The following ERBB4 variants were observed in gnomAD, a reference collection of about 807,000 sequenced individuals.
ERBB4 encodes erb-b2 receptor tyrosine kinase 4, also known as receptor tyrosine-protein kinase erbB-4.
Under a neutral mutation model 158.0 loss-of-function variants are expected in ERBB4, and 42 were observed. That is an observed-to-expected ratio of 0.27 (90% CI 0.21 to 0.34). ERBB4 has a LOEUF of 0.34. Ranked by LOEUF, ERBB4 falls within the 10% of genes least tolerant of loss-of-function variation. The pLI is 1.00. For synonymous variants in ERBB4, 583 were observed against 558.7 expected, an observed-to-expected ratio of 1.04 and a Z score of -0.61; for missense variants, 1,333 against 1,624.1, an observed-to-expected ratio of 0.82 and a Z score of 3.08.
intron 1 of ERBB4, among the ~76,000 whole-genome samples, chr2:212,525,318 T>TG: frequency 6.6e-6 from 1 of 152,080 alleles, no homozygotes; most frequent in East Asian, 1.9e-4. Flanking sequence ...ATACATGTGC[T>TG]ATCAGCACAT....
chr2:212,253,235 C>T (rs377728001), intron 1 of ERBB4, among the ~76,000 whole-genome samples: 14 of 151,750 alleles, frequency 9.2e-5, no homozygotes, highest in African/African-American at 2.4e-4. Context: ...TCCTGGTAAC[C>T]CTCTTATTTT....
At chr2:212,391,503 CTAAAA>C (rs1015369210) in intron 1 of ERBB4, among the ~76,000 whole-genome samples, 123 of 150,502 alleles carry the variant, frequency 8.2e-4, no homozygotes, top group African/African-American at 2.8e-3. Context: ...AACCCCTAAA[CTAAAA>C]TATTTAGACC....
chr2:211,562,192 T>C (rs1469067475), intron 19 of ERBB4, 104 bp from the exon 20 acceptor site: 6 of 908,022 alleles, frequency 6.6e-6, no homozygotes, highest in Non-Finnish European at 1.1e-5. Context: ...AAATGTACTC[T>C]TACTCAATGG....
At chr2:211,902,002 T>A (rs775655885) in intron 3 of ERBB4, among the ~76,000 whole-genome samples, 3 of 152,164 alleles carry the variant, frequency 2.0e-5, no homozygotes, top group Non-Finnish European at 2.9e-5. Flanking sequence ...ATTTTTCTTA[T>A]GTTTTGAGAC....
intron 2 of ERBB4, among the ~76,000 whole-genome samples, chr2:212,103,920 T>C (rs2079153603): frequency 6.6e-6 from 1 of 152,112 alleles, no homozygotes; most frequent in East Asian, 1.9e-4. Context: ...GCTTTCTCTG[T>C]ACAATGCAAA....
intron 1 of ERBB4, among the ~76,000 whole-genome samples, chr2:212,224,639 ACC>A (rs1454567442): frequency 1.3e-5 from 2 of 151,852 alleles, no homozygotes; most frequent in Non-Finnish European, 2.9e-5. Context: ...AGAACAATTA[ACC>A]CCCTTCCCAC....
chr2:212,188,244 CT>C (rs2082085309), intron 1 of ERBB4, among the ~76,000 whole-genome samples: 3 of 30,758 alleles, frequency 9.8e-5, no homozygotes, highest in East Asian at 3.9e-3. Flanking sequence ...CCCCCCCCCT[CT>C]CACCCCCTCC....
intron 3 of ERBB4, among the ~76,000 whole-genome samples, chr2:211,859,835 C>T (rs924836685): frequency 4.6e-5 from 7 of 152,206 alleles, no homozygotes; most frequent in African/African-American, 1.7e-4. Flanking sequence ...TCTTCAATGT[C>T]CAATAAGCAG....
intron 25 of ERBB4, among the ~76,000 whole-genome samples, chr2:211,402,166 A>G (rs2063057755): frequency 2.6e-5 from 4 of 152,030 alleles, no homozygotes; most frequent in Non-Finnish European, 5.9e-5. Flanking sequence ...AATATATCCC[A>G]GACTTTTAGA....
intron 20 of ERBB4, among the ~76,000 whole-genome samples, chr2:211,515,545 T>C (rs1362944900): frequency 6.6e-6 from 1 of 152,026 alleles, no homozygotes; most frequent in Non-Finnish European, 1.5e-5. Context: ...GAGAAGTTAA[T>C]GATCTCAAGT....
intron 20 of ERBB4, among the ~76,000 whole-genome samples, chr2:211,460,757 T>A (rs2064509613): frequency 6.6e-6 from 1 of 151,072 alleles, no homozygotes; most frequent in African/African-American, 2.4e-5. Flanking sequence ...TTTCCTGCAT[T>A]AAAAAAAAAT....
chr2:211,896,833 T>G (rs1226714574), intron 3 of ERBB4, among the ~76,000 whole-genome samples: 2 of 152,078 alleles, frequency 1.3e-5, no homozygotes, highest in Non-Finnish European at 2.9e-5. Context: ...TTTTTTAACA[T>G]GAATGAACAT....
chr2:212,171,325 T>TTG (rs1553578084), intron 1 of ERBB4, among the ~76,000 whole-genome samples: 2 of 22,494 alleles, frequency 8.9e-5, no homozygotes, highest in Non-Finnish European at 2.4e-4. Flanking sequence ...AACTAACTTG[T>TTG]TTTTTTTTTA....
chr2:211,776,452 C>T (rs902938508), intron 4 of ERBB4, among the ~76,000 whole-genome samples: 9 of 152,108 alleles, frequency 5.9e-5, no homozygotes, highest in Non-Finnish European at 1.3e-4. Context: ...TTGATACTTG[C>T]TCCTTTTAAT....
intron 13 of ERBB4, among the ~76,000 whole-genome samples, chr2:211,676,923 T>C (rs1449878040): frequency 6.6e-6 from 1 of 152,180 alleles, no homozygotes; most frequent in Non-Finnish European, 1.5e-5. Flanking sequence ...ATAAATATGA[T>C]TCAATGAGAC....
chr2:212,452,859 C>A (rs1289448321), intron 1 of ERBB4, among the ~76,000 whole-genome samples: 2 of 152,048 alleles, frequency 1.3e-5, no homozygotes, highest in African/African-American at 4.8e-5. Context: ...TATTTTAAGA[C>A]ATACTACAAT....
At chr2:212,048,018 G>A (rs932388265) in intron 2 of ERBB4, among the ~76,000 whole-genome samples, 1 of 152,124 alleles carries the variant, frequency 6.6e-6, no homozygotes, top group Admixed American at 6.6e-5. Context: ...GAGAGACTTC[G>A]TTGGGGTATG....
At chr2:211,760,579 C>G (rs956603956) in intron 4 of ERBB4, among the ~76,000 whole-genome samples, 3 of 152,178 alleles carry the variant, frequency 2.0e-5, no homozygotes, top group Non-Finnish European at 4.4e-5. Context: ...CAGATATGTA[C>G]TCTTACATAA....
intron 2 of ERBB4, among the ~76,000 whole-genome samples, chr2:212,097,383 T>C (rs2078962104): frequency 6.6e-6 from 1 of 152,084 alleles, no homozygotes; most frequent in Admixed American, 6.5e-5. Context: ...CCATTTCAGG[T>C]AAAGGATACA....
Sources: gnomAD v4.1 joint callset for allele counts (sites outside exome capture counted in the v4.1 genomes callset) on GRCh38, gnomAD v4.1.1 for gene constraint, MANE v1.5 for transcripts, NCBI Gene and HGNC (gene_info 2026-07-23, HGNC 2026-07-21) for gene names.